LATS2: variants seen among roughly 807,000 people sequenced by gnomAD.
LATS2 encodes serine/threonine-protein kinase LATS2.
Under a neutral mutation model 76.0 loss-of-function variants are expected in LATS2, and 24 were observed. The ratio of observed to expected loss-of-function variants is 0.32; its 90% CI spans 0.23 to 0.44. The LOEUF (loss-of-function observed/expected upper bound fraction) is 0.44, where lower values mean the gene tolerates loss of function less well. Among genes scored for constraint, LATS2 ranks in the 20% least tolerant of loss-of-function variants. The probability of loss-of-function intolerance (pLI) is 1.00; values close to 1 mark genes in which losing one functional copy is unlikely to be tolerated. For missense variants in LATS2, 1,286 were observed against 1,481.2 expected (o/e 0.87, Z 2.16); for synonymous variants, 692 against 635.4 (o/e 1.09, Z -1.34).
At position 20,989,087 on chromosome 13, in the gene LATS2, T is replaced by TGG; in HGVS notation, c.691_692dup (p.Pro232HisfsTer9). The TGG allele has an allele frequency of 1.3e-6, 2 of 1,597,466 alleles. No homozygotes were observed. Reference sequence around the variant, plus strand: ...CTACGCTGGCACCGTAGCCCTTGGGTGGGTGCTGGTGCTGGTGGCCGGGCC... The same window carrying TGG: ...CTACGCTGGCACCGTAGCCCTTGGGTGGGGGTGCTGGTGCTGGTGGCCGGGCC... On this transcript the variant is annotated frameshift_variant, in exon 4 of 8. Transcript: ENST00000382592. LOFTEE classifies it high-confidence loss of function.
intron 2 of LATS2, among the ~76,000 whole-genome samples, chr13:21,023,659 AAAAAAAAAAAAAAAAAAAAAAAAAC>A (rs1364881984): frequency 2.7e-4 from 9 of 32,934 alleles, no homozygotes; most frequent in African/African-American, 4.6e-4. Flanking sequence ...AAAAAAAAAA[AAAAAAAAAAAAAAAAAAAAAAAAAC>A]AAACCTCGGC....
chr13:21,012,672 A>G (rs1298557416), intron 2 of LATS2, among the ~76,000 whole-genome samples: 1 of 152,146 alleles, frequency 6.6e-6, no homozygotes, highest in African/African-American at 2.4e-5. Flanking sequence ...AGTATGGTAT[A>G]AGCGCTTTGC....
chr13:21,036,667 A>G (rs9509494), intron 2 of LATS2, among the ~76,000 whole-genome samples: 104,925 of 151,840 alleles, frequency 0.69, 38,411 homozygotes, highest in Non-Finnish European at 0.83. Context: ...CAGCTACTCA[A>G]GAGGCTGAAG....
intron 2 of LATS2, among the ~76,000 whole-genome samples, chr13:20,993,509 G>A (rs1411221019): frequency 2.0e-5 from 3 of 152,082 alleles, no homozygotes; most frequent in Admixed American, 6.5e-5. Flanking sequence ...CTGCAGAGGA[G>A]CACGAGGTGG....
At chr13:20,999,204 A>G (rs952126158) in intron 2 of LATS2, among the ~76,000 whole-genome samples, 5 of 152,214 alleles carry the variant, frequency 3.3e-5, no homozygotes, top group African/African-American at 1.2e-4. Context: ...ATGAGTCGCC[A>G]CCTTGCGCGG....
In LATS2 at chr13:20,974,819, C is replaced by A; in HGVS notation, c.*51G>T. 1 of 1,550,366 alleles carries A rather than the reference C, an allele frequency of 6.5e-7. No homozygotes were observed. Among genetic ancestry groups the A allele is most frequent in the East Asian group, 2.3e-5 (1 of 44,414 alleles). On this transcript the variant is annotated 3_prime_UTR_variant, in exon 8 of 8. Coordinates refer to ENST00000382592, the MANE Select transcript of LATS2 (RefSeq NM_014572.3). The stretch of plus-strand genomic sequence containing the variant: ...CTATTGGCCTGTGAGGGCACCGGCT[C>A]CGGGACCCTGACCTGGGAGGCAGCG...
intron 2 of LATS2, among the ~76,000 whole-genome samples, chr13:21,035,567 A>C (rs1259967462): frequency 6.6e-6 from 1 of 152,152 alleles, no homozygotes; most frequent in Non-Finnish European, 1.5e-5. Context: ...TAGACTGTAC[A>C]TGAGTTCCCG....
At position 21,027,065 on chromosome 13, in the gene LATS2, T is replaced by C. The variant is rs566774886; in HGVS notation, c.342+18620A>G. ...CAAATCTTTTGCCCATTTTTAAAGG[T>C]TTGCCTTTTTATTATTGAATTCTAG... is the stretch of plus-strand genomic sequence containing the variant. On this transcript the variant is annotated intron_variant, in intron 2 of 7. Coordinates refer to ENST00000382592, the MANE Select transcript of LATS2 (RefSeq NM_014572.3). Among the ~76,000 whole-genome samples, 210 of 152,318 alleles carry C rather than the reference T, an allele frequency of 1.4e-3. 1 individual carries two copies. The highest frequency in any genetic ancestry group is 4.5e-3 in the African/African-American group (189 of 41,584).
At chr13:21,052,773 G>C (rs1565967236) in intron 1 of LATS2, among the ~76,000 whole-genome samples, 1 of 152,100 alleles carries the variant, frequency 6.6e-6, no homozygotes, top group African/African-American at 2.4e-5. Context: ...TCTCTGAAAC[G>C]TGCCTGCAGC....
At chr13:21,038,650 C>T (rs529235648) in intron 2 of LATS2, 1 of 152,316 alleles carries the variant, frequency 6.6e-6, no homozygotes, top group East Asian at 1.9e-4. Flanking sequence ...GGCTATGACA[C>T]TGCCACTGTG....
chr13:20,977,964 G>A (rs1869701703), intron 7 of LATS2, among the ~76,000 whole-genome samples: 1 of 151,948 alleles, frequency 6.6e-6, no homozygotes, highest in Admixed American at 6.6e-5. Context: ...CATCCAGGTT[G>A]GAGTGCAGTG....
chr13:21,021,474 C>CAAAAAAAA lies in LATS2; in HGVS notation c.342+24203_342+24210dup, dbSNP rs58976562. Among the ~76,000 whole-genome samples, 48 of 48,374 alleles carry CAAAAAAAA rather than the reference C, an allele frequency of 9.9e-4. 4 individuals carry two copies. Among genetic ancestry groups the CAAAAAAAA allele is most frequent in the African/African-American group, 3.2e-3 (46 of 14,576 alleles). 31.7% of individuals were successfully genotyped at this position (48,374 alleles called of 152,430 possible). On this transcript the variant is annotated intron_variant, in intron 2 of 7. Coordinates refer to ENST00000382592, the MANE Select transcript of LATS2 (RefSeq NM_014572.3). ...CGGGCAGCAGAGTGAGACTCTGTCTCAAAAAAAAAAAAAAAAAAAAAAAAA... is the reference window on the plus strand; with the variant it reads ...CGGGCAGCAGAGTGAGACTCTGTCTCAAAAAAAAAAAAAAAAAAAAAAAAAAAAAAAAA...
At chr13:21,049,648 G>C (rs530826184) in intron 1 of LATS2, among the ~76,000 whole-genome samples, 17 of 152,216 alleles carry the variant, frequency 1.1e-4, no homozygotes, top group Non-Finnish European at 2.4e-4. Context: ...GAAAGGACAA[G>C]AGCCACAAGA....
At chr13:21,023,643 CT>C (rs1432594887) in intron 2 of LATS2, among the ~76,000 whole-genome samples, 10 of 98,562 alleles carry the variant, frequency 1.0e-4, no homozygotes, top group African/African-American at 3.3e-4. Context: ...CTATGACTGG[CT>C]TTAAAAAAAA....
At chr13:21,038,169 G>A (rs147261893) in intron 2 of LATS2, among the ~76,000 whole-genome samples, 116 of 152,166 alleles carry the variant, frequency 7.6e-4, no homozygotes, top group African/African-American at 2.6e-3. Flanking sequence ...GGAGAAAGAC[G>A]CAGAAGGGGC....
intron 4 of LATS2, among the ~76,000 whole-genome samples, chr13:20,984,744 T>C (rs1004492893): frequency 8.5e-5 from 13 of 152,256 alleles, no homozygotes; most frequent in African/African-American, 3.1e-4. Flanking sequence ...AAAATGACCA[T>C]ACTACCCAAA....
intron 7 of LATS2, 46 bp downstream of exon 7, chr13:20,979,645 A>C (rs1239809358): frequency 1.9e-6 from 2 of 1,071,554 alleles, no homozygotes. Context: ...TACATGAGCA[A>C]ATCAGATGTC....
intron 1 of LATS2, among the ~76,000 whole-genome samples, chr13:21,055,265 T>C (rs898766384): frequency 6.6e-6 from 1 of 152,076 alleles, no homozygotes; most frequent in Non-Finnish European, 1.5e-5. Flanking sequence ...AATTTTTCTT[T>C]CATCAAGAGT....
intron 2 of LATS2, among the ~76,000 whole-genome samples, chr13:21,023,458 C>T (rs1468114624): frequency 1.3e-5 from 2 of 151,744 alleles, no homozygotes; most frequent in Non-Finnish European, 2.9e-5. Flanking sequence ...TAGAACCCAA[C>T]TGCAAGTACA....
Sources: gnomAD v4.1 joint callset for allele counts (sites outside exome capture counted in the v4.1 genomes callset) on GRCh38, gnomAD v4.1.1 for gene constraint, MANE v1.5 for transcripts, NCBI Gene and HGNC (gene_info 2026-07-23, HGNC 2026-07-21) for gene names.